Variants in STK32C observed in about 807,000 individuals in gnomAD.
The protein encoded by STK32C is serine/threonine kinase 32C, also known as serine/threonine-protein kinase 32C.
In STK32C, 31 loss-of-function variants were observed where a neutral mutation model predicts 56.5. The ratio of observed to expected loss-of-function variants is 0.55; its 90% CI spans 0.41 to 0.74. The LOEUF (loss-of-function observed/expected upper bound fraction) is 0.74. STK32C is among the 30% of genes least tolerant of loss of function. The pLI is 0.00. For synonymous variants in STK32C, 309 were observed against 289.4 expected, an observed-to-expected ratio of 1.07 and a Z score of -0.69; for missense variants, 544 against 676.9, an observed-to-expected ratio of 0.80 and a Z score of 2.18.
intron 2 of STK32C, 186 bp from the exon 3 acceptor site, chr10:132,228,314 A>G (rs1472086781): frequency 1.9e-5 from 13 of 677,600 alleles, no homozygotes; most frequent in East Asian, 1.4e-4. Flanking sequence ...ATATGGTAAC[A>G]TATTTGCTCT....
intron 1 of STK32C, among the ~76,000 whole-genome samples, chr10:132,281,926 G>T (rs577245369): frequency 6.6e-6 from 1 of 152,266 alleles, no homozygotes; most frequent in South Asian, 2.1e-4. Context: ...CTCCTCAGAC[G>T]GGAGCCTGTT....
Position 132,282,960 on chromosome 10 carries a change from T to C in STK32C, c.262+24612A>G, listed in dbSNP as rs113068442. 7.0e-3 allele frequency among the ~76,000 whole-genome samples: 1,066 copies of C among 152,340 alleles called. 11 individuals are homozygous for C. Among genetic ancestry groups the C allele is most frequent in the African/African-American group, 0.024 (1,016 of 41,576 alleles). ...CCTCTGAGGCTGGGGTCGGGGAGGC[T>C]GGCCCTGCTGCGTTCTCAGGCCGAG... is the stretch of plus-strand genomic sequence containing the variant. On this transcript the variant is annotated intron_variant, in intron 1 of 11. Transcript: ENST00000298630.
At position 132,255,676 on chromosome 10, in the gene STK32C, CACT is replaced by C. The variant is rs1356422735; in HGVS notation, c.263-9724_263-9722del. Among the ~76,000 whole-genome samples, 2 of 152,166 alleles carry C rather than the reference CACT, an allele frequency of 1.3e-5. No individual in the cohort carries two copies. The highest frequency in any genetic ancestry group is 2.9e-5 in the Non-Finnish European group (2 of 68,024). On this transcript the variant is annotated intron_variant, in intron 1 of 11. Coordinates refer to ENST00000298630, the MANE Select transcript of STK32C (RefSeq NM_173575.4). The surrounding 1 kb of genome is among the most constrained non-coding windows in gnomAD (Gnocchi z 4.6). ...CTGAGCCCCACGCGGTTTCCTGCAC[CACT>C]GAGGATGTGTTGAAACCCCAGGGCA...
intron 1 of STK32C, among the ~76,000 whole-genome samples, chr10:132,328,214 G>A (rs1167919408): frequency 6.6e-6 from 1 of 152,090 alleles, no homozygotes; most frequent in Non-Finnish European, 1.5e-5. Context: ...AATTGGGAGG[G>A]TGGGGCTTTG....
intron 10 of STK32C, among the ~76,000 whole-genome samples, chr10:132,221,222 G>GATCA (rs2062629073): frequency 7.0e-6 from 1 of 142,750 alleles, no homozygotes; most frequent in South Asian, 2.3e-4. Context: ...ACCTGATGCT[G>GATCA]ACGCACCTGG....
At chr10:132,208,664 G>A (rs115767560) in intron 11 of STK32C, among the ~76,000 whole-genome samples, 3,140 of 152,270 alleles carry the variant, frequency 0.021, 97 homozygotes, top group South Asian at 0.1. Flanking sequence ...CCAGTCATCT[G>A]TGCCCTTTCT....
chr10:132,225,829 G>C (rs1385592468), intron 4 of STK32C, 45 bp from the exon 5 acceptor site: 1 of 1,611,914 alleles, frequency 6.2e-7, no homozygotes, highest in East Asian at 2.2e-5. Context: ...AATCTGCCCT[G>C]TTTCTGCCCT....
intron 1 of STK32C, among the ~76,000 whole-genome samples, chr10:132,293,857 C>T (rs940811532): frequency 3.9e-5 from 6 of 152,150 alleles, no homozygotes; most frequent in African/African-American, 1.2e-4. Context: ...GAGCCTGCTC[C>T]GGGGACGCAG....
intron 1 of STK32C, among the ~76,000 whole-genome samples, chr10:132,269,896 C>T (rs987282090): frequency 2.6e-5 from 4 of 152,216 alleles, no homozygotes; most frequent in African/African-American, 7.2e-5. Flanking sequence ...GACACCCACC[C>T]AATGGTGGCC....
rs569820101 is a variant in STK32C, at chr10:132,225,998, T to C, written c.645-214A>G. Among the ~76,000 whole-genome samples, 3 of 152,334 alleles carry C rather than the reference T, an allele frequency of 2.0e-5. No individual in the cohort carries two copies. In the South Asian group the frequency reaches 6.2e-4, roughly 32 times the overall value. On this transcript the variant is annotated intron_variant, in intron 4 of 11. Transcript: ENST00000298630. ...GTCAGCCACTTCGTTCCCTGTGGCA[T>C]CTGGGCAGCAGCACACACCTGGCAC...
Position 132,208,060 on chromosome 10 carries a change from A to G in STK32C, c.1411T>C (p.Ser471Pro). 1.5e-6 allele frequency: 2 copies of G among 1,310,710 alleles called. No homozygotes were observed. Among genetic ancestry groups the G allele is most frequent in the Non-Finnish European group, 2.0e-6 (2 of 1,021,872 alleles). 81.2% of individuals were successfully genotyped at this position (1,310,710 alleles called of 1,614,324 possible). A position where few individuals can be genotyped will look rare whatever the true frequency, so the allele number is the denominator to read the frequency against. The change falls in exon 12 of 12, where the codon TCC (serine) becomes CCC (proline). Residue 471 changes from serine (S) to proline (P), a missense_variant. Ser to Pro is a moderately conservative substitution (Grantham distance 74). This residue lies in a region of STK32C where 277 missense variants were observed against 309.3 expected (regional missense o/e 0.90). Transcript: ENST00000298630. ...ATGGGGCCGCACATGGGCAGGGCGG[A>G]GCGTTCCGCCTCGTCCTCCACAGGC... ...AEPVEDEAERSALPMCGPICP... is the reference protein window; with the variant it reads ...AEPVEDEAERPALPMCGPICP...
rs556587177 is a variant in STK32C, at chr10:132,257,062, C to A, written c.263-11107G>T. Among the ~76,000 whole-genome samples, 573 of 152,252 alleles carry A rather than the reference C, an allele frequency of 3.8e-3. 7 individuals carry two copies. Among genetic ancestry groups the A allele is most frequent in the African/African-American group, 0.013 (544 of 41,548 alleles). On this transcript the variant is annotated intron_variant, in intron 1 of 11. Coordinates refer to ENST00000298630, the MANE Select transcript of STK32C (RefSeq NM_173575.4). ...CCAGGAGCAGATGGATGGGCAGGGC[C>A]CTGTGTCCTGGGGTGTGGCTGCACC...
intron 2 of STK32C, among the ~76,000 whole-genome samples, chr10:132,228,951 A>G (rs761004265): frequency 2.2e-4 from 34 of 152,222 alleles, no homozygotes; most frequent in Non-Finnish European, 4.4e-4. Flanking sequence ...TCAGGCCTGT[A>G]CCCTCTGAGC....
At chr10:132,287,611 C>T (rs2065446012) in intron 1 of STK32C, among the ~76,000 whole-genome samples, 1 of 151,666 alleles carries the variant, frequency 6.6e-6, no homozygotes, top group Admixed American at 6.6e-5. Flanking sequence ...ACCACCATGT[C>T]CGGCTAATTT....
chr10:132,275,541 C>A (rs913188601), intron 1 of STK32C, among the ~76,000 whole-genome samples: 1 of 152,222 alleles, frequency 6.6e-6, no homozygotes, highest in African/African-American at 2.4e-5. Context: ...ACCTCCGAGT[C>A]TCAGTGCCCG....
intron 3 of STK32C, 52 bp from the exon 4 acceptor site, chr10:132,227,020 T>C (rs764881033): frequency 1.9e-6 from 3 of 1,596,414 alleles, no homozygotes; most frequent in African/African-American, 1.3e-5. Context: ...GAGCCAGTCA[T>C]GGCTGCTCCC....
At chr10:132,236,455 C>T (rs2063298699) in intron 2 of STK32C, among the ~76,000 whole-genome samples, 1 of 152,244 alleles carries the variant, frequency 6.6e-6, no homozygotes, top group Non-Finnish European at 1.5e-5. Context: ...ACGGGCCCCA[C>T]ACACACTGGG....
intron 1 of STK32C, among the ~76,000 whole-genome samples, chr10:132,278,039 G>T (rs1409301396): frequency 6.6e-6 from 1 of 152,178 alleles, no homozygotes; most frequent in Non-Finnish European, 1.5e-5. Context: ...AGAGGTGGGG[G>T]TGGTCTTGAG....
intron 10 of STK32C, among the ~76,000 whole-genome samples, chr10:132,212,743 C>T (rs893156102): frequency 1.3e-5 from 2 of 152,274 alleles, no homozygotes; most frequent in Non-Finnish European, 2.9e-5. Context: ...CTTCTGGCTT[C>T]TGCTCTGCGG....
Sources: allele counts gnomAD v4.1 joint callset (sites outside exome capture counted in the v4.1 genomes callset), GRCh38; gene constraint gnomAD v4.1.1; regional missense constraint gnomAD v4.1.1; non-coding constraint Gnocchi (gnomAD v3.1); transcripts MANE v1.5; gene names NCBI Gene and HGNC (gene_info 2026-07-23, HGNC 2026-07-21).